Variants in MMS22L observed in about 807,000 individuals in gnomAD.
The protein encoded by MMS22L is MMS22 like, DNA repair protein.
In MMS22L, 74 loss-of-function variants were observed where a neutral mutation model predicts 159.1. The observed-to-expected ratio is 0.47, with a 90% CI of 0.39 to 0.56. The LOEUF is 0.56. Among genes scored for constraint, MMS22L ranks in the 20% least tolerant of loss-of-function variants. MMS22L has a pLI of 0.00. For missense variants in MMS22L, 1,351 were observed against 1,422.1 expected, an observed-to-expected ratio of 0.95 and a Z score of 0.80; for synonymous variants, 517 against 506.9, an observed-to-expected ratio of 1.02 and a Z score of -0.27.
At chr6:97,193,624 T>C (rs957320916) in intron 14 of MMS22L, among the ~76,000 whole-genome samples, 1 of 152,248 alleles carries the variant, frequency 6.6e-6, no homozygotes, top group African/African-American at 2.4e-5. Context: ...TATATCTTTC[T>C]ACAAATTTAC....
chr6:97,250,622 T>A (rs1313032694), intron 10 of MMS22L, among the ~76,000 whole-genome samples: 1 of 152,072 alleles, frequency 6.6e-6, no homozygotes, highest in Non-Finnish European at 1.5e-5. Context: ...ATATAAAAAG[T>A]GAGATACCAG....
chr6:97,245,294 C>T (rs917760725), intron 11 of MMS22L, among the ~76,000 whole-genome samples: 3 of 151,944 alleles, frequency 2.0e-5, no homozygotes, highest in Admixed American at 6.6e-5. Flanking sequence ...ATTTAAAGAA[C>T]ACAAGCAGTT....
chr6:97,182,756 C>T (rs1182676359), intron 15 of MMS22L, among the ~76,000 whole-genome samples: 3 of 152,126 alleles, frequency 2.0e-5, no homozygotes, highest in Non-Finnish European at 4.4e-5. Context: ...GGTGAGATTA[C>T]TCCTTGGTCC....
chr6:97,157,127 A>T (rs1470962743), intron 22 of MMS22L, among the ~76,000 whole-genome samples: 1 of 151,886 alleles, frequency 6.6e-6, no homozygotes, highest in Non-Finnish European at 1.5e-5. Context: ...TCTGTCTGTT[A>T]TTGGTGTATA....
At chr6:97,199,013 A>G (rs1806846495) in intron 14 of MMS22L, among the ~76,000 whole-genome samples, 1 of 152,078 alleles carries the variant, frequency 6.6e-6, no homozygotes, top group Non-Finnish European at 1.5e-5. Flanking sequence ...TAATTAATAA[A>G]ACTATCCTCT....
intron 4 of MMS22L, among the ~76,000 whole-genome samples, chr6:97,277,930 T>C (rs780993545): frequency 1.6e-4 from 24 of 152,186 alleles, no homozygotes; most frequent in Non-Finnish European, 3.2e-4. Flanking sequence ...TGGTAGACAC[T>C]GTGTTAAGCA....
At position 97,146,866 on chromosome 6, in the gene MMS22L, C is replaced by G; in HGVS notation, c.3672G>C (p.Leu1224Phe). The G allele has an allele frequency of 1.3e-6, 2 of 1,555,364 alleles. No homozygotes were observed. The highest frequency in any genetic ancestry group is 1.7e-6 in the Non-Finnish European group (2 of 1,160,374). Residue 1224 changes from leucine to phenylalanine, a missense_variant, in exon 25 of 25, where the codon TTG (leucine) becomes TTC (phenylalanine). By Grantham distance (22) the Leu-to-Phe change is conservative (BLOSUM62 0). Coordinates refer to ENST00000683635, the MANE Select transcript of MMS22L (RefSeq NM_001350599.2). ...IAQREAYSKLLSHLGQMGQDE... is the reference protein window; with the variant it reads ...IAQREAYSKLFSHLGQMGQDE... ...CTTGTCCCATCTGTCCAAGGTGAGA[C>G]AAAAGTTTGCTATAGGCTTCCCTGT...
intron 8 of MMS22L, chr6:97,265,322 C>T (rs1814974566): frequency 6.6e-6 from 1 of 152,070 alleles, no homozygotes; most frequent in Non-Finnish European, 1.5e-5. Context: ...GAATTTAGGC[C>T]CTTGTTTCAC....
rs200145548 is a variant in MMS22L at position 97,255,054 on chromosome 6, GT to G, written c.943-322del. On this transcript the variant is annotated intron_variant, in intron 9 of 24. Coordinates refer to ENST00000683635, the MANE Select transcript of MMS22L (RefSeq NM_001350599.2). ...TATTGTGTGGCTTCATCTGTATTTT[GT>G]TTTTTTTAAATGCATGTCTGTATTC... 2.3e-4 allele frequency among the ~76,000 whole-genome samples: 35 copies of G among 151,210 alleles called. 1 individual carries two copies. Among genetic ancestry groups the G allele is most frequent in the Non-Finnish European group, 1.2e-4 (8 of 67,716 alleles).
chr6:97,274,070 T>A (rs1208030906), intron 4 of MMS22L, among the ~76,000 whole-genome samples: 1 of 152,204 alleles, frequency 6.6e-6, no homozygotes, highest in Non-Finnish European at 1.5e-5. Flanking sequence ...AGCATTTATA[T>A]CAGCAATAAT....
In MMS22L at chr6:97,143,804, G is replaced by A. The variant is rs1206178; in HGVS notation, c.*3002C>T. 82,671 of 151,928 alleles carry A rather than the reference G, an allele frequency of 0.54. 23,396 individuals are homozygous for A. Among genetic ancestry groups the A allele is most frequent in the African/African-American group, 0.7 (28,876 of 41,404 alleles). The allele number at this position is 151,928 out of a possible 1,614,324, so 9.4% of individuals were successfully genotyped here. ...ACTCCAACTACAGAGGTTTAGAGAT[G>A]AATTAGCACTAGGTGGCTCATCACG... is the stretch of plus-strand genomic sequence containing the variant. On this transcript the variant is annotated 3_prime_UTR_variant, in exon 25 of 25. Coordinates refer to ENST00000683635, the MANE Select transcript of MMS22L (RefSeq NM_001350599.2).
At chr6:97,191,995 A>G (rs1805917376) in intron 14 of MMS22L, among the ~76,000 whole-genome samples, 1 of 152,192 alleles carries the variant, frequency 6.6e-6, no homozygotes, top group South Asian at 2.1e-4. Flanking sequence ...TCAATTTGAG[A>G]TAATGGTAGT....
chr6:97,187,549 A>C (rs1338058965), intron 14 of MMS22L, among the ~76,000 whole-genome samples: 1 of 152,214 alleles, frequency 6.6e-6, no homozygotes, highest in African/African-American at 2.4e-5. Flanking sequence ...CTGAGTAGAC[A>C]TAAATGCATG....
chr6:97,220,929 T>TA (rs1161456347), intron 14 of MMS22L, among the ~76,000 whole-genome samples: 2 of 148,236 alleles, frequency 1.3e-5, no homozygotes, highest in Admixed American at 1.4e-4. Flanking sequence ...TAAGAATGGG[T>TA]AAAAAAACCA....
intron 2 of MMS22L, 94 bp from the exon 3 acceptor site, chr6:97,281,456 A>G (rs925518159): frequency 3.8e-6 from 4 of 1,041,042 alleles, no homozygotes; most frequent in South Asian, 1.7e-5. Context: ...CATATTATAC[A>G]TGACATGTAT....
intron 6 of MMS22L, chr6:97,271,422 G>A (rs532235189): frequency 6.6e-6 from 1 of 151,958 alleles, no homozygotes; most frequent in African/African-American, 2.4e-5. Flanking sequence ...CATATTTGAT[G>A]GATAACCAGA....
At chr6:97,252,035 A>G (rs559776674) in intron 10 of MMS22L, among the ~76,000 whole-genome samples, 1 of 151,716 alleles carries the variant, frequency 6.6e-6, no homozygotes, top group South Asian at 2.1e-4. Flanking sequence ...GTAAGCCAAG[A>G]CTGCGCCACT....
intron 15 of MMS22L, among the ~76,000 whole-genome samples, chr6:97,182,305 C>G (rs1016224126): frequency 1.3e-5 from 2 of 152,142 alleles, no homozygotes; most frequent in African/African-American, 2.4e-5. Context: ...CATTACAGAT[C>G]TATAATGGCT....
chr6:97,260,411 T>C (rs1814334386), intron 9 of MMS22L: 2 of 152,218 alleles, frequency 1.3e-5, no homozygotes, highest in South Asian at 4.1e-4. Context: ...ATGCCCCTTA[T>C]TAAATTTTCA....
Sources: allele counts gnomAD v4.1 joint callset (sites outside exome capture counted in the v4.1 genomes callset), GRCh38; gene constraint gnomAD v4.1.1; transcripts MANE v1.5; gene names NCBI Gene and HGNC (gene_info 2026-07-23, HGNC 2026-07-21).